Variants in NRXN1 observed in about 807,000 individuals in gnomAD.
NRXN1 encodes neurexin-1.
Under a neutral mutation model 150.9 loss-of-function variants are expected in NRXN1, and 39 were observed. The ratio of observed to expected loss-of-function variants is 0.26; its 90% confidence interval spans 0.20 to 0.34. NRXN1 has a LOEUF of 0.34. Among genes scored for constraint, NRXN1 ranks in the 10% least tolerant of loss-of-function variants. The pLI is 1.00. For missense variants in NRXN1, 1,815 were observed against 1,949.9 expected (o/e 0.93, Z 1.30); for synonymous variants, 924 against 757.0 (o/e 1.22, Z -3.62).
chr2:50,828,123 C>A (rs1670747874), intron 5 of NRXN1, among the ~76,000 whole-genome samples: 1 of 151,986 alleles, frequency 6.6e-6, no homozygotes, highest in South Asian at 2.1e-4. Context: ...CTGTTGGGTA[C>A]CCCTCCCAGA....
intron 19 of NRXN1, among the ~76,000 whole-genome samples, chr2:50,059,580 G>A (rs946760102): frequency 6.6e-6 from 1 of 152,184 alleles, no homozygotes; most frequent in South Asian, 2.1e-4. Flanking sequence ...AGGACAACGA[G>A]GAAAATGTCT....
intron 5 of NRXN1, among the ~76,000 whole-genome samples, chr2:50,847,913 G>A (rs1673916464): frequency 6.6e-6 from 1 of 152,104 alleles, no homozygotes; most frequent in Non-Finnish European, 1.5e-5. Flanking sequence ...GCCATCAGCT[G>A]AGAGCTACTT....
At chr2:50,554,403 A>C (rs574721208) in intron 8 of NRXN1, 4 of 152,296 alleles carry the variant, frequency 2.6e-5, no homozygotes, top group African/African-American at 9.6e-5. Context: ...AATTAAGAGT[A>C]CATGCTCTGG....
chr2:50,219,615 A>C (rs1195698889), intron 18 of NRXN1, among the ~76,000 whole-genome samples: 1 of 151,528 alleles, frequency 6.6e-6, no homozygotes, highest in Non-Finnish European at 1.5e-5. Flanking sequence ...GGTCAAATAC[A>C]GTGGCTCACT....
intron 17 of NRXN1, among the ~76,000 whole-genome samples, chr2:50,448,325 CA>C (rs2086641300): frequency 2.0e-5 from 3 of 152,074 alleles, no homozygotes; most frequent in Admixed American, 2.0e-4. Context: ...TTTCTCCCTC[CA>C]ATTAAAGAAT....
intron 17 of NRXN1, among the ~76,000 whole-genome samples, chr2:50,447,502 AAAAGG>A (rs1558747657): frequency 6.8e-6 from 1 of 146,084 alleles, no homozygotes; most frequent in African/African-American, 2.5e-5. Context: ...AAAAAAAAAA[AAAAGG>A]AATTCTGTCC....
chr2:50,495,315 C>A (rs1450341477), intron 15 of NRXN1, among the ~76,000 whole-genome samples: 1 of 150,002 alleles, frequency 6.7e-6, no homozygotes, highest in Non-Finnish European at 1.5e-5. Flanking sequence ...TATGTTAAGA[C>A]TTTCTTAGCA....
At chr2:49,959,875 A>T (rs938629424) in intron 21 of NRXN1, among the ~76,000 whole-genome samples, 2 of 152,206 alleles carry the variant, frequency 1.3e-5, no homozygotes, top group Admixed American at 6.5e-5. Flanking sequence ...TAACATTCAC[A>T]AGAGGTAGAC....
chr2:50,419,680 C>A (rs564441060), intron 17 of NRXN1, among the ~76,000 whole-genome samples: 2 of 151,798 alleles, frequency 1.3e-5, no homozygotes, highest in African/African-American at 4.8e-5. Context: ...TGCATACATA[C>A]AATAGTTTGA....
At chr2:50,892,914 A>C (rs912762283) in intron 5 of NRXN1, among the ~76,000 whole-genome samples, 9 of 152,290 alleles carry the variant, frequency 5.9e-5, no homozygotes, top group Non-Finnish European at 1.2e-4. Context: ...AGATCTGCTG[A>C]GGCCATGCTC....
intron 5 of NRXN1, among the ~76,000 whole-genome samples, chr2:50,725,408 C>G (rs548933696): frequency 6.6e-6 from 1 of 150,976 alleles, no homozygotes; most frequent in East Asian, 1.9e-4. Flanking sequence ...TATTGCAGTA[C>G]TTAAGTAAAG....
intron 19 of NRXN1, among the ~76,000 whole-genome samples, chr2:50,066,417 TCA>T (rs1695373243): frequency 6.6e-6 from 1 of 152,164 alleles, no homozygotes; most frequent in East Asian, 1.9e-4. Flanking sequence ...CCATAGAAGT[TCA>T]GAGAGAACAA....
intron 21 of NRXN1, among the ~76,000 whole-genome samples, chr2:49,948,938 GC>G (rs1272057728): frequency 6.6e-6 from 1 of 151,908 alleles, no homozygotes; most frequent in African/African-American, 2.4e-5. Flanking sequence ...AAATTGCTAT[GC>G]TGATCTTCCT....
chr2:50,218,641 C>G (rs553508837), intron 18 of NRXN1, among the ~76,000 whole-genome samples: 15 of 152,044 alleles, frequency 9.9e-5, no homozygotes, highest in African/African-American at 3.4e-4. Context: ...AGAATCTAAA[C>G]TTTCAGCAAG....
At chr2:50,056,046 A>C (rs1368599911) in intron 19 of NRXN1, among the ~76,000 whole-genome samples, 3 of 152,012 alleles carry the variant, frequency 2.0e-5, no homozygotes, top group Admixed American at 6.6e-5. Flanking sequence ...CTCGGTGTTG[A>C]GTTGTGTATA....
At chr2:50,319,174 T>C (rs1027347311) in intron 17 of NRXN1, among the ~76,000 whole-genome samples, 1 of 152,140 alleles carries the variant, frequency 6.6e-6, no homozygotes, top group Admixed American at 6.6e-5. Flanking sequence ...ATAATGACTC[T>C]AGTTATTCTG....
intron 2 of NRXN1, among the ~76,000 whole-genome samples, chr2:50,986,205 G>C (rs1057491828): frequency 1.3e-5 from 2 of 151,660 alleles, no homozygotes; most frequent in Non-Finnish European, 3.0e-5. Flanking sequence ...TTAAGTCGTG[G>C]TGAGGAGAAT....
At chr2:50,215,791 C>T (rs1293938219) in intron 18 of NRXN1, among the ~76,000 whole-genome samples, 1 of 152,032 alleles carries the variant, frequency 6.6e-6, no homozygotes, top group Non-Finnish European at 1.5e-5. Context: ...TTCTGCAGAG[C>T]AGGCAATTAT....
chr2:50,671,255 A>G (rs1688795284), intron 5 of NRXN1, among the ~76,000 whole-genome samples: 1 of 151,820 alleles, frequency 6.6e-6, no homozygotes. Context: ...AGTAATGAAG[A>G]AAAGACTAAT....
Sources: allele counts gnomAD v4.1 joint callset (sites outside exome capture counted in the v4.1 genomes callset), GRCh38; gene constraint gnomAD v4.1.1; transcripts MANE v1.5; gene names NCBI Gene and HGNC (gene_info 2026-07-23, HGNC 2026-07-21).